CNTN6: variants seen among roughly 807,000 people sequenced by gnomAD.
CNTN6 encodes contactin 6.
Under a neutral mutation model 122.8 loss-of-function variants are expected in CNTN6, and 137 were observed. That is an observed-to-expected ratio of 1.12 (90% CI 0.97 to 1.29). The LOEUF is 1.29. Ranked by LOEUF, CNTN6 falls within the 50% of genes most tolerant of loss-of-function variation. The probability of loss-of-function intolerance (pLI) is 0.00; values close to 1 mark genes in which losing one functional copy is unlikely to be tolerated. For synonymous variants in CNTN6, 570 were observed against 426.0 expected (o/e 1.34, Z -4.16); for missense variants, 1,634 against 1,223.4 (o/e 1.34, Z -5.01).
intron 12 of CNTN6, among the ~76,000 whole-genome samples, chr3:1,353,487 G>A (rs913020544): frequency 3.3e-5 from 5 of 151,552 alleles, no homozygotes; most frequent in African/African-American, 1.2e-4. Flanking sequence ...ATAAAACTTG[G>A]TGTGTCAAAA....
Position 1,372,447 on chromosome 3 carries a change from A to C in CNTN6, c.1641A>C (p.Gly547=). ...GAGATGTCATAGACTTAAAAAAAGG[A>C]GTGGCTCATTTTGAAAGGATTGGAG... ...FNGDVIDLKK[G]VAHFERIGGE... Residue 547 remains glycine, a synonymous_variant, in exon 13 of 23, where the codon GGA becomes GGC. Coordinates refer to ENST00000446702, the MANE Select transcript of CNTN6 (RefSeq NM_001289080.2). 6.2e-7 allele frequency: 1 copy of C among 1,611,502 alleles called. No homozygotes were observed.
intron 10 of CNTN6, 30 bp downstream of exon 10, chr3:1,327,616 C>T: frequency 6.2e-7 from 1 of 1,601,328 alleles, no homozygotes; most frequent in African/African-American, 1.3e-5. Context: ...CCAACAAATT[C>T]AAAATGACGT....
intron 4 of CNTN6, among the ~76,000 whole-genome samples, chr3:1,229,499 G>T (rs3772344): frequency 6.6e-6 from 1 of 151,924 alleles, no homozygotes; most frequent in Non-Finnish European, 1.5e-5. Context: ...ATCTACTCTC[G>T]AAAACAGTTG....
intron 20 of CNTN6, among the ~76,000 whole-genome samples, chr3:1,400,667 C>T (rs1695567333): frequency 6.6e-6 from 1 of 152,056 alleles, no homozygotes; most frequent in South Asian, 2.1e-4. Flanking sequence ...GATAGACATA[C>T]GACCAAATGA....
intron 5 of CNTN6, among the ~76,000 whole-genome samples, chr3:1,281,674 G>C (rs564064516): frequency 6.6e-6 from 1 of 151,942 alleles, no homozygotes; most frequent in African/African-American, 2.4e-5. Context: ...TTCTGACCTC[G>C]TGATCTGCCC....
In CNTN6 at chr3:1,201,425, T is replaced by C. The variant is rs1369973335; in HGVS notation, c.56-19262T>C. On this transcript the variant is annotated intron_variant, in intron 2 of 22. Coordinates refer to ENST00000446702, the MANE Select transcript of CNTN6 (RefSeq NM_001289080.2). ...TTTTCTCATGGAGTTTTGTTGAGAT[T>C]TGAATCAGATAATAAATGCCAAGTT... Among the ~76,000 whole-genome samples, 3 of 152,156 alleles carry C rather than the reference T, an allele frequency of 2.0e-5. No individual in the cohort carries two copies. The East Asian group carries it at 5.8e-4, about 29-fold the overall frequency.
intron 1 of CNTN6, among the ~76,000 whole-genome samples, chr3:1,132,970 T>G (rs984090148): frequency 6.6e-6 from 1 of 152,162 alleles, no homozygotes; most frequent in African/African-American, 2.4e-5. Context: ...ATACCTGAAA[T>G]ACATTTAAGG....
intron 5 of CNTN6, 47 bp downstream of exon 5, chr3:1,278,555 G>C (rs1692828345): frequency 7.7e-7 from 1 of 1,292,008 alleles, no homozygotes; most frequent in Non-Finnish European, 1.1e-6. Context: ...GTCACTTGGA[G>C]AGTGATGTGA....
At chr3:1,326,062 G>A (rs1701502738) in intron 9 of CNTN6, 111 bp downstream of exon 9, 1 of 938,702 alleles carries the variant, frequency 1.1e-6, no homozygotes, top group Non-Finnish European at 1.6e-6. Flanking sequence ...TCTTTGGTAT[G>A]TTCCAGGAAA....
intron 2 of CNTN6, among the ~76,000 whole-genome samples, chr3:1,148,885 G>A (rs1174860133): frequency 6.6e-6 from 1 of 152,148 alleles, no homozygotes; most frequent in African/African-American, 2.4e-5. Flanking sequence ...TGGTCCAAAT[G>A]TTACCCTCTG....
chr3:1,281,501 G>A (rs1437255103), intron 5 of CNTN6, among the ~76,000 whole-genome samples: 1 of 141,360 alleles, frequency 7.1e-6, no homozygotes, highest in African/African-American at 2.7e-5. Context: ...GTCTCCTTCT[G>A]TTGCCTAAGC....
intron 9 of CNTN6, among the ~76,000 whole-genome samples, chr3:1,327,115 C>G (rs1036759828): frequency 2.0e-5 from 3 of 151,842 alleles, no homozygotes; most frequent in African/African-American, 7.3e-5. Flanking sequence ...ATATACATGT[C>G]TAACATTATT....
At chr3:1,160,596 C>T (rs1196219191) in intron 2 of CNTN6, among the ~76,000 whole-genome samples, 1 of 148,208 alleles carries the variant, frequency 6.7e-6, no homozygotes, top group Non-Finnish European at 1.5e-5. Context: ...CTTTTAAAAG[C>T]TAAGCAAATG....
chr3:1,285,030 C>T (rs1016554176), intron 5 of CNTN6, among the ~76,000 whole-genome samples: 1 of 152,184 alleles, frequency 6.6e-6, no homozygotes, highest in African/African-American at 2.4e-5. Flanking sequence ...GACATGCTTT[C>T]TCTGACTTTC....
rs757412528 is a variant in CNTN6 at position 1,383,080 on chromosome 3, A to G, written c.2305A>G (p.Ile769Val). Residue 769 changes from isoleucine (I) to valine (V), a missense_variant, in exon 18 of 23, where the codon ATC becomes GTC. By Grantham distance (29) the Ile-to-Val change is conservative. Coordinates refer to ENST00000446702, the MANE Select transcript of CNTN6 (RefSeq NM_001289080.2). ...GTTTGTCTACAGAAATGAAAGCATCATCCCACTGTCTCCCTTTGAAGTCAA... is the reference window on the plus strand; with the variant it reads ...GTTTGTCTACAGAAATGAAAGCATCGTCCCACTGTCTCCCTTTGAAGTCAA... The part of the protein sequence containing the change: ...SRFVYRNESI[I>V]PLSPFEVKVG... 1.2e-6 allele frequency: 2 copies of G among 1,613,940 alleles called. No homozygotes were observed. The highest frequency in any genetic ancestry group is 1.3e-5 in the African/African-American group (1 of 74,924).
At chr3:1,172,173 C>G (rs1427270540) in intron 2 of CNTN6, among the ~76,000 whole-genome samples, 1 of 152,182 alleles carries the variant, frequency 6.6e-6, no homozygotes, top group Non-Finnish European at 1.5e-5. Flanking sequence ...CTCTCCCTCC[C>G]AACTTTGTAC....
At chr3:1,283,964 A>G (rs796204232) in intron 5 of CNTN6, among the ~76,000 whole-genome samples, 31 of 152,328 alleles carry the variant, frequency 2.0e-4, no homozygotes, top group African/African-American at 7.5e-4. Context: ...ATGCCTTTGC[A>G]CTCCAGCCTG....
At chr3:1,210,938 G>A (rs1024265303) in intron 2 of CNTN6, among the ~76,000 whole-genome samples, 9 of 152,110 alleles carry the variant, frequency 5.9e-5, no homozygotes, top group African/African-American at 2.2e-4. Context: ...CTTTCTCAGC[G>A]ACCCTCACAT....
At chr3:1,206,017 T>C (rs1575231905) in intron 2 of CNTN6, among the ~76,000 whole-genome samples, 2 of 152,302 alleles carry the variant, frequency 1.3e-5, no homozygotes, top group East Asian at 3.9e-4. Context: ...TTCTCCTCTT[T>C]ACATTGTTGC....
Sources: allele counts gnomAD v4.1 joint callset (sites outside exome capture counted in the v4.1 genomes callset), GRCh38; gene constraint gnomAD v4.1.1; transcripts MANE v1.5; gene names NCBI Gene and HGNC (gene_info 2026-07-23, HGNC 2026-07-21).